RSRC1: variants seen among roughly 807,000 people sequenced by gnomAD.
The protein encoded by RSRC1 is serine/Arginine-related protein 53.
In RSRC1, 39 loss-of-function variants were observed where a neutral mutation model predicts 49.1. The observed-to-expected ratio is 0.79, with a 90% CI of 0.61 to 1.04. The LOEUF (loss-of-function observed/expected upper bound fraction) is 1.04, where lower values mean the gene tolerates loss of function less well. Among genes scored for constraint, RSRC1 ranks in the 50% least tolerant of loss-of-function variants. RSRC1 has a pLI of 0.00. For missense variants in RSRC1, 388 were observed against 402.4 expected (o/e 0.96, Z 0.31); for synonymous variants, 143 against 130.8 (o/e 1.09, Z -0.63).
chr3:158,168,085 A>G lies in RSRC1; in HGVS notation c.321-34987A>G, dbSNP rs185121562. Among the ~76,000 whole-genome samples, 537 of 152,256 alleles carry G rather than the reference A, an allele frequency of 3.5e-3. 2 individuals carry two copies. Among genetic ancestry groups the G allele is most frequent in the African/African-American group, 0.012 (500 of 41,542 alleles). On this transcript the variant is annotated intron_variant, in intron 3 of 9. Transcript: ENST00000611884. ...TGCCTGTTTTTGTAAATAAAATTTT[A>G]TTGAAACACAGCTACACTAATTTGT...
intron 6 of RSRC1, among the ~76,000 whole-genome samples, chr3:158,384,018 T>C (rs1473251990): frequency 6.6e-6 from 1 of 152,094 alleles, no homozygotes; most frequent in Non-Finnish European, 1.5e-5. Flanking sequence ...TTATATATTT[T>C]AGAAAAGATT....
chr3:158,337,197 A>T (rs938964029), intron 5 of RSRC1, among the ~76,000 whole-genome samples: 1 of 152,210 alleles, frequency 6.6e-6, no homozygotes, highest in Non-Finnish European at 1.5e-5. Flanking sequence ...GAGAGCGAAG[A>T]CATTCCACAT....
chr3:158,391,389 C>T (rs1403286210), intron 6 of RSRC1, among the ~76,000 whole-genome samples: 1 of 152,128 alleles, frequency 6.6e-6, no homozygotes, highest in Non-Finnish European at 1.5e-5. Flanking sequence ...AGAGAGCATT[C>T]TCCATATGAG....
intron 6 of RSRC1, among the ~76,000 whole-genome samples, chr3:158,399,805 T>TC (rs1281844282): frequency 6.6e-6 from 1 of 152,086 alleles, no homozygotes; most frequent in African/African-American, 2.4e-5. Flanking sequence ...GTGGACTAGC[T>TC]CCCCCTGCAA....
At chr3:158,405,617 A>G (rs1734124667) in intron 6 of RSRC1, among the ~76,000 whole-genome samples, 1 of 152,130 alleles carries the variant, frequency 6.6e-6, no homozygotes, top group African/African-American at 2.4e-5. Flanking sequence ...ACATGGAAAC[A>G]AAGTAGCAGA....
intron 4 of RSRC1, among the ~76,000 whole-genome samples, chr3:158,204,559 A>G (rs1721245522): frequency 6.6e-6 from 1 of 152,216 alleles, no homozygotes; most frequent in Admixed American, 6.5e-5. Flanking sequence ...ATGAAGGCAG[A>G]AAGCATATTG....
chr3:158,219,877 A>T (rs1319411006), intron 4 of RSRC1, among the ~76,000 whole-genome samples: 1 of 151,640 alleles, frequency 6.6e-6, no homozygotes, highest in Non-Finnish European at 1.5e-5. Flanking sequence ...TAGAATTTGG[A>T]TGAATTGTTT....
intron 7 of RSRC1, among the ~76,000 whole-genome samples, chr3:158,493,503 G>A (rs184556412): frequency 7.4e-4 from 112 of 152,212 alleles, no homozygotes; most frequent in Middle Eastern, 3.4e-3. Flanking sequence ...CTCTATACCC[G>A]AGTCAAATTA....
intron 6 of RSRC1, among the ~76,000 whole-genome samples, chr3:158,454,142 T>G (rs981659059): frequency 2.0e-5 from 3 of 152,100 alleles, no homozygotes; most frequent in Admixed American, 1.3e-4. Flanking sequence ...AGGAAATCTA[T>G]TTATATTATG....
intron 3 of RSRC1, among the ~76,000 whole-genome samples, chr3:158,181,372 C>T (rs1719613741): frequency 6.6e-6 from 1 of 152,180 alleles, no homozygotes; most frequent in African/African-American, 2.4e-5. Context: ...AGAGAAATAT[C>T]TGTCACCTGG....
intron 3 of RSRC1, among the ~76,000 whole-genome samples, chr3:158,176,949 GA>G (rs1282335168): frequency 2.0e-5 from 3 of 151,660 alleles, no homozygotes; most frequent in East Asian, 3.9e-4. Flanking sequence ...AAATTTACAA[GA>G]AAAAAACAAC....
intron 5 of RSRC1, among the ~76,000 whole-genome samples, chr3:158,351,359 G>A (rs1730863615): frequency 6.6e-6 from 1 of 152,228 alleles, no homozygotes. Context: ...TGGGCAAAAA[G>A]TGAGTGAACA....
intron 3 of RSRC1, among the ~76,000 whole-genome samples, chr3:158,199,159 T>C (rs1423833579): frequency 1.3e-5 from 2 of 152,220 alleles, no homozygotes; most frequent in African/African-American, 4.8e-5. Flanking sequence ...GCTCTTTCTT[T>C]GCCTGCTGCT....
chr3:158,346,119 T>C (rs933192934), intron 5 of RSRC1, among the ~76,000 whole-genome samples: 1 of 152,098 alleles, frequency 6.6e-6, no homozygotes, highest in Admixed American at 6.6e-5. Context: ...GGTAAAGATT[T>C]CTTAAATACA....
chr3:158,174,003 A>G (rs1036701298), intron 3 of RSRC1, among the ~76,000 whole-genome samples: 3 of 151,902 alleles, frequency 2.0e-5, no homozygotes, highest in African/African-American at 4.8e-5. Context: ...GGGTGAAGAA[A>G]ATGCTCGCAA....
rs542042431 is a variant in RSRC1, at chr3:158,444,477, C to A, written c.584-16458C>A. Among the ~76,000 whole-genome samples, 3 of 152,198 alleles carry A rather than the reference C, an allele frequency of 2.0e-5. No homozygotes were observed. In the East Asian group the frequency reaches 5.8e-4, roughly 29 times the overall value. On this transcript the variant is annotated intron_variant, in intron 6 of 9. Coordinates refer to ENST00000611884, the MANE Select transcript of RSRC1 (RefSeq NM_001271838.2). ...CATATATAGAAGGCTGAAACTGGATCGCTTCCTTACACCATATACAAAAAG... is the reference window on the plus strand; with the variant it reads ...CATATATAGAAGGCTGAAACTGGATAGCTTCCTTACACCATATACAAAAAG...
At chr3:158,201,079 G>A (rs1721018362) in intron 3 of RSRC1, among the ~76,000 whole-genome samples, 1 of 152,006 alleles carries the variant, frequency 6.6e-6, no homozygotes. Flanking sequence ...TCTCAAAAAT[G>A]TCCTTATTTT....
intron 4 of RSRC1, among the ~76,000 whole-genome samples, chr3:158,262,143 G>A (rs1464395445): frequency 6.6e-6 from 1 of 152,032 alleles, no homozygotes; most frequent in Non-Finnish European, 1.5e-5. Context: ...AGGAAGTCTA[G>A]TTTATTTCTT....
intron 3 of RSRC1, among the ~76,000 whole-genome samples, chr3:158,163,453 A>G (rs1026002563): frequency 2.0e-5 from 3 of 152,202 alleles, no homozygotes; most frequent in Non-Finnish European, 2.9e-5. Context: ...GTCAGGTGTC[A>G]TTGAAGAGGT....
Sources: allele counts gnomAD v4.1 joint callset (sites outside exome capture counted in the v4.1 genomes callset), GRCh38; gene constraint gnomAD v4.1.1; transcripts MANE v1.5; gene names NCBI Gene and HGNC (gene_info 2026-07-23, HGNC 2026-07-21).